CSMD1: variants seen among roughly 807,000 people sequenced by gnomAD.
CSMD1 encodes CUB and Sushi multiple domains 1, also known as CUB and sushi domain-containing protein 1.
CSMD1 carries 213 observed loss-of-function variants against 417.5 expected under a neutral mutation model. The observed-to-expected ratio is 0.51, with a 90% CI of 0.46 to 0.57. The LOEUF is 0.57. Ranked by LOEUF, CSMD1 falls within the 20% of genes least tolerant of loss-of-function variation. The probability of loss-of-function intolerance (pLI) is 0.00; values close to 1 mark genes in which losing one functional copy is unlikely to be tolerated. For synonymous variants in CSMD1, 2,862 were observed against 1,736.8 expected (o/e 1.65, Z -16.11); for missense variants, 6,923 against 4,529.7 (o/e 1.53, Z -15.17).
intron 1 of CSMD1, among the ~76,000 whole-genome samples, chr8:4,905,687 G>C (rs1404867903): frequency 1.3e-5 from 2 of 151,872 alleles, no homozygotes; most frequent in East Asian, 3.9e-4. Context: ...GGGCGTGGTG[G>C]CGGGCGCCTG....
chr8:3,872,791 T>C (rs1313681264), intron 5 of CSMD1, among the ~76,000 whole-genome samples: 1 of 149,840 alleles, frequency 6.7e-6, no homozygotes. Flanking sequence ...AAAGATCTAA[T>C]ATCCAGCATT....
chr8:3,262,908 C>T (rs1270452700), intron 26 of CSMD1, among the ~76,000 whole-genome samples: 1 of 151,972 alleles, frequency 6.6e-6, no homozygotes, highest in Non-Finnish European at 1.5e-5. Flanking sequence ...AACTTCATTG[C>T]AAGAGAAAAC....
At chr8:4,047,429 T>TGGCATTTTTCCCAGGGAATTCTTAA (rs1366610939) in intron 3 of CSMD1, among the ~76,000 whole-genome samples, 2 of 152,172 alleles carry the variant, frequency 1.3e-5, no homozygotes, top group East Asian at 3.9e-4. Flanking sequence ...GAAATTAAAA[T>TGGCATTTTTCCCAGGGAATTCTTAA]GGCATTTTTC....
At chr8:3,934,492 A>G (rs1810353969) in intron 5 of CSMD1, among the ~76,000 whole-genome samples, 1 of 152,140 alleles carries the variant, frequency 6.6e-6, no homozygotes, top group Admixed American at 6.6e-5. Flanking sequence ...TATTTTTAAT[A>G]ATTGAAGGAA....
chr8:3,990,608 T>G, intron 5 of CSMD1, among the ~76,000 whole-genome samples: 1 of 152,210 alleles, frequency 6.6e-6, no homozygotes, highest in East Asian at 1.9e-4. Flanking sequence ...AAATAGTTTT[T>G]TAACTTTATT....
intron 1 of CSMD1, among the ~76,000 whole-genome samples, chr8:4,747,444 T>A (rs1811032604): frequency 1.3e-5 from 2 of 152,144 alleles, no homozygotes; most frequent in Non-Finnish European, 2.9e-5. Context: ...GGTACTTATG[T>A]CAGAGAAAAT....
At chr8:4,102,084 A>G (rs993928635) in intron 3 of CSMD1, among the ~76,000 whole-genome samples, 1 of 152,182 alleles carries the variant, frequency 6.6e-6, no homozygotes, top group Admixed American at 6.5e-5. Context: ...GCGCTGCACT[A>G]ATTTCTGAAG....
intron 39 of CSMD1, among the ~76,000 whole-genome samples, chr8:3,152,911 C>A (rs1819291081): frequency 6.6e-6 from 1 of 152,154 alleles, no homozygotes; most frequent in African/African-American, 2.4e-5. Flanking sequence ...CCTTAGGGCT[C>A]GTGGGACCTG....
chr8:3,783,961 C>A (rs1364916562), intron 5 of CSMD1, among the ~76,000 whole-genome samples: 1 of 152,202 alleles, frequency 6.6e-6, no homozygotes, highest in Non-Finnish European at 1.5e-5. Context: ...ATTACCTGCC[C>A]TTGGGCAAAT....
At chr8:4,717,244 A>G (rs928004672) in intron 1 of CSMD1, among the ~76,000 whole-genome samples, 3 of 150,998 alleles carry the variant, frequency 2.0e-5, no homozygotes, top group Non-Finnish European at 4.4e-5. Flanking sequence ...CTACCTTGGT[A>G]ATGGCAGGAT....
At chr8:4,450,858 C>T (rs1799100884) in intron 2 of CSMD1, among the ~76,000 whole-genome samples, 2 of 152,056 alleles carry the variant, frequency 1.3e-5, no homozygotes, top group Non-Finnish European at 2.9e-5. Context: ...GTGAGAGGAA[C>T]AATTGTTAAT....
chr8:4,731,033 G>A (rs539789070), intron 1 of CSMD1, among the ~76,000 whole-genome samples: 2 of 152,288 alleles, frequency 1.3e-5, no homozygotes, highest in African/African-American at 4.8e-5. Flanking sequence ...AGACGCTAAC[G>A]AATGAAGAGT....
intron 7 of CSMD1, among the ~76,000 whole-genome samples, chr8:3,633,535 T>C (rs1420023247): frequency 2.0e-5 from 3 of 152,216 alleles, no homozygotes; most frequent in African/African-American, 7.2e-5. Flanking sequence ...TGGACAATTG[T>C]ATTAGTGGTG....
At chr8:4,696,166 A>G (rs1807117126) in intron 1 of CSMD1, among the ~76,000 whole-genome samples, 1 of 152,242 alleles carries the variant, frequency 6.6e-6, no homozygotes, top group African/African-American at 2.4e-5. Context: ...CATTCAATAA[A>G]TGTTTTAAAG....
chr8:4,198,749 C>G (rs1449281519), intron 3 of CSMD1, among the ~76,000 whole-genome samples: 1 of 151,942 alleles, frequency 6.6e-6, no homozygotes, highest in African/African-American at 2.4e-5. Context: ...TCTATACTTT[C>G]TATGTGAATT....
At chr8:4,984,153 C>T (rs938599860) in intron 1 of CSMD1, among the ~76,000 whole-genome samples, 1 of 152,174 alleles carries the variant, frequency 6.6e-6, no homozygotes, top group Non-Finnish European at 1.5e-5. Flanking sequence ...ACTCAGTGTC[C>T]TGTTGGTATT....
intron 7 of CSMD1, among the ~76,000 whole-genome samples, chr8:3,687,219 C>G (rs1344109256): frequency 1.3e-5 from 2 of 152,240 alleles, no homozygotes; most frequent in Non-Finnish European, 2.9e-5. Flanking sequence ...TTGCCCAGGG[C>G]AGGTCCACAT....
At chr8:4,908,117 T>C (rs1367787550) in intron 1 of CSMD1, among the ~76,000 whole-genome samples, 2 of 152,204 alleles carry the variant, frequency 1.3e-5, no homozygotes, top group African/African-American at 4.8e-5. Flanking sequence ...TTTTGCAGTA[T>C]AATTTTGCTG....
chr8:4,730,651 G>A (rs950517203), intron 1 of CSMD1, among the ~76,000 whole-genome samples: 7 of 152,004 alleles, frequency 4.6e-5, no homozygotes, highest in East Asian at 1.9e-4. Context: ...TGAGACAGGA[G>A]AATGGTGTGA....
Sources: allele counts gnomAD v4.1 joint callset (sites outside exome capture counted in the v4.1 genomes callset), GRCh38; gene constraint gnomAD v4.1.1; transcripts MANE v1.5; gene names NCBI Gene and HGNC (gene_info 2026-07-23, HGNC 2026-07-21).